Variants in PCSK7 observed in about 807,000 individuals in gnomAD.
PCSK7 encodes proprotein convertase subtilisin/kexin type 7.
A neutral mutation model predicts 73.3 loss-of-function variants in PCSK7; 38 were observed. That is an observed-to-expected ratio of 0.52 (90% CI 0.40 to 0.68). The LOEUF is 0.68. PCSK7 is among the 30% of genes least tolerant of loss of function. The pLI, the probability that PCSK7 is intolerant of heterozygous loss-of-function variation, is 0.00. For missense variants in PCSK7, 692 were observed against 991.5 expected, an observed-to-expected ratio of 0.70 and a Z score of 4.06; for synonymous variants, 296 against 383.8, an observed-to-expected ratio of 0.77 and a Z score of 2.68.
chr11:117,204,521 T>C lies in PCSK7; in HGVS notation c.*1476A>G, dbSNP rs1240101012. 9.0e-7 allele frequency: 1 copy of C among 1,113,258 alleles called. No homozygotes were observed. The highest frequency in any genetic ancestry group is 2.0e-5 in the Admixed American group (1 of 50,294). 69.0% of individuals were successfully genotyped at this position (1,113,258 alleles called of 1,614,324 possible). ...TAACTGCACCTGGGCAGCTCCTCCCTGTGCCCCCAGCCTCAGCCCAACTTC... is the reference window on the plus strand; with the variant it reads ...TAACTGCACCTGGGCAGCTCCTCCCCGTGCCCCCAGCCTCAGCCCAACTTC... On this transcript the variant is annotated 3_prime_UTR_variant, in exon 17 of 17. Coordinates refer to ENST00000320934, the MANE Select transcript of PCSK7 (RefSeq NM_004716.4).
At position 117,219,723 on chromosome 11, in the gene PCSK7, G is replaced by T. The variant is rs199614758; in HGVS notation, c.1191C>A (p.Gly397=). 6.3e-7 allele frequency: 1 copy of T among 1,595,354 alleles called. No individual in the cohort carries two copies. ...AGGTCCCTGTGTGGCCCTCAGTGCA[G>T]CCAGTGCCCTTCTGAAGGTCCCAGT... The part of the protein sequence containing the change: ...TTDWDLQKGT[G]CTEGHTGTSA... Residue 397 remains glycine (G), a synonymous_variant, in exon 10 of 17, where the codon GGC becomes GGA. Coordinates refer to ENST00000320934, the MANE Select transcript of PCSK7 (RefSeq NM_004716.4).
chr11:117,226,952 A>G (rs2032454827), intron 5 of PCSK7: 2 of 487,028 alleles, frequency 4.1e-6, no homozygotes, highest in African/African-American at 4.1e-5. Context: ...TATAAATAGA[A>G]AAACATGTTT....
At chr11:117,223,545 C>T in intron 8 of PCSK7, 4 of 553,140 alleles carry the variant, frequency 7.2e-6, no homozygotes, top group Non-Finnish European at 1.3e-5. Context: ...TGGGGTACAA[C>T]TGGCAGCCTT....
intron 12 of PCSK7, chr11:117,216,498 G>A (rs960019478): frequency 5.0e-5 from 7 of 139,572 alleles, no homozygotes; most frequent in African/African-American, 1.9e-4. Context: ...GGAGTGCAAT[G>A]GTGCGATCTC....
intron 12 of PCSK7, chr11:117,217,315 T>G (rs995273924): frequency 6.6e-6 from 1 of 152,194 alleles, no homozygotes; most frequent in Non-Finnish European, 1.5e-5. Flanking sequence ...TAGCCCTGGA[T>G]AGAAGGTAAA....
chr11:117,224,059 AG>A lies in PCSK7; in HGVS notation c.1054+18del. On this transcript the variant is annotated intron_variant, in intron 8 of 16. Coordinates refer to ENST00000320934, the MANE Select transcript of PCSK7 (RefSeq NM_004716.4). ...TTCGGTGACACACACACAGGAGCACAGAAACATTGGGTGACTACCTATGGTG... is the reference window on the plus strand; with the variant it reads ...TTCGGTGACACACACACAGGAGCACAAAACATTGGGTGACTACCTATGGTG... 1 of 1,613,594 alleles carries A rather than the reference AG, an allele frequency of 6.2e-7. No individual in the cohort carries two copies. The highest frequency in any genetic ancestry group is 1.1e-5 in the South Asian group (1 of 91,068).
chr11:117,220,096 C>G (rs764439702), intron 9 of PCSK7: 21 of 184,342 alleles, frequency 1.1e-4, no homozygotes, highest in Non-Finnish European at 2.1e-4. Flanking sequence ...AATAGCAGGG[C>G]AGGGCAAAGG....
intron 12 of PCSK7, 157 bp from the exon 13 acceptor site, chr11:117,209,210 C>G: frequency 1.8e-6 from 1 of 562,462 alleles, no homozygotes; most frequent in Non-Finnish European, 3.1e-6. Context: ...TGGAATGGAG[C>G]TGCTGCTCTC....
rs1480069034 is a variant in PCSK7 at position 117,205,708 on chromosome 11, T to C, written c.*289A>G. The C allele has an allele frequency of 6.2e-6, 2 of 324,964 alleles. No homozygotes were observed. The highest frequency in any genetic ancestry group is 4.7e-5 in the East Asian group (1 of 21,500). 20.1% of individuals were successfully genotyped at this position (324,964 alleles called of 1,614,324 possible). A position where few individuals can be genotyped will look rare whatever the true frequency, so the allele number is the denominator to read the frequency against. On this transcript the variant is annotated 3_prime_UTR_variant, in exon 17 of 17. Coordinates refer to ENST00000320934, the MANE Select transcript of PCSK7 (RefSeq NM_004716.4). The stretch of plus-strand genomic sequence containing the variant: ...TGCTTGGGGGACCTAGGCAGCTGGC[T>C]TGGCCCAAGAGAGATGAGGATGGAG...
rs189150064 is a variant in PCSK7, at chr11:117,224,801, C to T, written c.861-46G>A. ...AGAGGGGACAGCCAGAGCCAGGCTGCGGCTACCCACCCAGCGCCTCCCAGT... is the reference window on the plus strand; with the variant it reads ...AGAGGGGACAGCCAGAGCCAGGCTGTGGCTACCCACCCAGCGCCTCCCAGT... On this transcript the variant is annotated intron_variant, in intron 6 of 16. Coordinates refer to ENST00000320934, the MANE Select transcript of PCSK7 (RefSeq NM_004716.4). The T allele has an allele frequency of 2.5e-4, 358 of 1,440,944 alleles. 1 individual carries two copies. The highest frequency in any genetic ancestry group is 3.3e-4 in the Non-Finnish European group (341 of 1,023,402). 89.3% of individuals were successfully genotyped at this position (1,440,944 alleles called of 1,614,324 possible). A position where few individuals can be genotyped will look rare whatever the true frequency, so the allele number is the denominator to read the frequency against.
rs1206125745 is a variant in PCSK7 at position 117,227,160 on chromosome 11, C to T, written c.766G>A (p.Ala256Thr). 8 of 1,597,194 alleles carry T rather than the reference C, an allele frequency of 5.0e-6. No individual in the cohort carries two copies. Among genetic ancestry groups the T allele is most frequent in the Non-Finnish European group, 6.8e-6 (8 of 1,171,590 alleles). Residue 256 changes from alanine to threonine, a missense_variant, in exon 5 of 17, where the codon GCA (alanine) becomes ACA (threonine). Transcript: ENST00000320934. ...AVGVAYGSRIAGIRVLDGPLT... is the reference protein window; with the variant it reads ...AVGVAYGSRITGIRVLDGPLT... ...CTAGGCTGGAGGCACAAGTTACCTG[C>T]GATGCGGCTCCCGTAGGCCACGCCC...
Position 117,230,966 on chromosome 11 carries a change from G to A in PCSK7, c.-132-498C>T, listed in dbSNP as rs141191399. Among the ~76,000 whole-genome samples the A allele has an allele frequency of 7.9e-5, 12 of 151,928 alleles. No homozygotes were observed. In the East Asian group the frequency reaches 2.3e-3, roughly 29 times the overall value. Reference sequence around the variant, plus strand: ...GCAGCTACTCCTGTACTGAGCTCAGGAGGCTGGCTTCAAGGTGAGGACTCA... The same window carrying A: ...GCAGCTACTCCTGTACTGAGCTCAGAAGGCTGGCTTCAAGGTGAGGACTCA... On this transcript the variant is annotated intron_variant, in intron 1 of 16. Transcript: ENST00000320934.
chr11:117,218,442 A>AC lies in PCSK7; in HGVS notation c.1534+23dup, dbSNP rs2032071892. Reference sequence around the variant, plus strand: ...GCCCCAAACCTCAGGCCTAAGATTAACCCCCTTTGTGCTGATTACTTACCA... The same window carrying AC: ...GCCCCAAACCTCAGGCCTAAGATTAACCCCCCTTTGTGCTGATTACTTACCA... On this transcript the variant is annotated intron_variant, in intron 12 of 16. Transcript: ENST00000320934. The surrounding 1 kb of genome is among the most constrained non-coding windows in gnomAD (Gnocchi z 4.0). 7.5e-7 allele frequency: 1 copy of AC among 1,341,710 alleles called. No homozygotes were observed. The highest frequency in any genetic ancestry group is 1.0e-6 in the Non-Finnish European group (1 of 966,822). The allele number at this position is 1,341,710 out of a possible 1,614,324, so 83.1% of individuals were successfully genotyped here.
intron 1 of PCSK7, chr11:117,231,057 CAA>C (rs5795071): frequency 0.18 from 24,748 of 134,770 alleles, 2,089 homozygotes; most frequent in Middle Eastern, 0.26. Context: ...CAGGAGCCCT[CAA>C]AAAAAAAAAA....
Position 117,229,590 on chromosome 11 carries a change from A to G in PCSK7, c.255T>C (p.Asn85=), listed in dbSNP as rs2032563329. 3 of 1,614,152 alleles carry G rather than the reference A, an allele frequency of 1.9e-6. No homozygotes were observed. Among genetic ancestry groups the G allele is most frequent in the Non-Finnish European group, 1.7e-6 (2 of 1,180,036 alleles). ...CCTGAAGCTCTCCGATGCGTCCAGC[A>G]TTCACCAGCCCTGCTGCCTGGGCCA... is the stretch of plus-strand genomic sequence containing the variant. The part of the protein sequence containing the change: ...DALAQAAGLV[N]AGRIGELQGH... The change falls in exon 3 of 17, where the codon AAT becomes AAC. Residue 85 remains asparagine, a synonymous_variant. Coordinates refer to ENST00000320934, the MANE Select transcript of PCSK7 (RefSeq NM_004716.4).
intron 12 of PCSK7, chr11:117,211,494 T>C (rs2031729356): frequency 6.6e-6 from 1 of 152,118 alleles, no homozygotes; most frequent in African/African-American, 2.4e-5. Context: ...CCTTCCACTT[T>C]CCCCACTCTC....
intron 12 of PCSK7, chr11:117,213,983 A>G (rs1591793242): frequency 3.1e-5 from 3 of 98,216 alleles, no homozygotes; most frequent in South Asian, 3.3e-4. Flanking sequence ...TTTTAGACGG[A>G]GTCTTGCTCG....
chr11:117,208,904 T>C lies in PCSK7; in HGVS notation c.1684A>G (p.Met562Val). ...MMSLIGAPRS[M>V]DSDPNGFNDW... is the part of the protein sequence containing the mutation. ...TCGGGCGGGTGTACATACGAGTCCATGCTGCGGGGGGCGCCGATGAGGGAC... is the reference window on the plus strand; with the variant it reads ...TCGGGCGGGTGTACATACGAGTCCACGCTGCGGGGGGCGCCGATGAGGGAC... The change falls in exon 13 of 17, where the codon ATG becomes GTG. Residue 562 changes from methionine (M) to valine (V), a missense_variant. Met to Val is a conservative substitution (Grantham distance 21). Transcript: ENST00000320934. 6.2e-7 allele frequency: 1 copy of C among 1,612,058 alleles called. No homozygotes were observed. Among genetic ancestry groups the C allele is most frequent in the South Asian group, 1.1e-5 (1 of 90,560 alleles).
rs141394947 is a variant in PCSK7, at chr11:117,224,600, C to A, written c.915+101G>T. Reference sequence around the variant, plus strand: ...GTTCTCTTCCTGAAAGGAGACTGAGCGTGGAGGTGGAGTGGGAAGATGGGT... The same window carrying A: ...GTTCTCTTCCTGAAAGGAGACTGAGAGTGGAGGTGGAGTGGGAAGATGGGT... On this transcript the variant is annotated intron_variant, in intron 7 of 16. Coordinates refer to ENST00000320934, the MANE Select transcript of PCSK7 (RefSeq NM_004716.4). 1,593 of 945,558 alleles carry A rather than the reference C, an allele frequency of 1.7e-3. 13 individuals are homozygous for A. In the African/African-American group the frequency reaches 0.023, roughly 13 times the overall value. 58.6% of individuals were successfully genotyped at this position (945,558 alleles called of 1,614,324 possible).
Sources: allele counts gnomAD v4.1 joint callset (sites outside exome capture counted in the v4.1 genomes callset), GRCh38; gene constraint gnomAD v4.1.1; non-coding constraint Gnocchi (gnomAD v3.1); transcripts MANE v1.5; gene names NCBI Gene and HGNC (gene_info 2026-07-23, HGNC 2026-07-21).